F5: variants seen among roughly 807,000 people sequenced by gnomAD.
The protein encoded by F5 is coagulation factor V.
F5 carries 138 observed loss-of-function variants against 216.4 expected under a neutral mutation model. The ratio of observed to expected loss-of-function variants is 0.64; its 90% CI spans 0.56 to 0.73. The LOEUF (loss-of-function observed/expected upper bound fraction) is 0.73, where lower values mean the gene tolerates loss of function less well. Among genes scored for constraint, F5 ranks in the 30% least tolerant of loss-of-function variants. The pLI is 0.00. For missense variants in F5, 2,403 were observed against 2,674.0 expected (o/e 0.90, Z 2.24); for synonymous variants, 916 against 930.7 (o/e 0.98, Z 0.29).
Position 169,582,474 on chromosome 1 carries a change from A to G in F5, c.207T>C (p.Tyr69=), listed in dbSNP as rs371185688. The part of the protein sequence containing the change: ...TSFKKIVYRE[Y]EPYFKKEKPQ... ...GTTTTTCTTTCTTAAAATATGGTTC[A>G]TACTCTCTGTAGACAATTTTCTTAA... Residue 69 remains tyrosine (Y), a synonymous_variant, in exon 2 of 25, where the codon TAT becomes TAC. Transcript: ENST00000367797. 5.8e-6 allele frequency: 9 copies of G among 1,560,430 alleles called. No homozygotes were observed. The highest frequency in any genetic ancestry group is 7.9e-6 in the Non-Finnish European group (9 of 1,134,398).
chr1:169,551,369 G>A (rs551146805), intron 8 of F5, among the ~76,000 whole-genome samples: 1 of 152,354 alleles, frequency 6.6e-6, no homozygotes, highest in African/African-American at 2.4e-5. Context: ...AGAATCGCCT[G>A]AGCCCAGGAA....
At position 169,524,848 on chromosome 1, in the gene F5, G is replaced by C. The variant is rs752595310; in HGVS notation, c.5777C>G (p.Ser1926Ter). The C allele has an allele frequency of 1.2e-6, 2 of 1,613,484 alleles. No homozygotes were observed. The highest frequency in any genetic ancestry group is 2.2e-5 in the South Asian group (2 of 91,076). Residue 1926 changes from serine (S) to a stop codon, truncating the protein, a stop_gained, in exon 19 of 25, where the codon TCA becomes TGA. Coordinates refer to ENST00000367797, the MANE Select transcript of F5 (RefSeq NM_000130.5). LOFTEE classifies it high-confidence loss of function. ...GIISDSQIKA[S>*]EFLGYWEPRL... Reference sequence around the variant, plus strand: ...GTGCTACAACTTACCCAGAAACTCTGAAGCCTTGATCTGTGAATCAGATAT... The same window carrying C: ...GTGCTACAACTTACCCAGAAACTCTCAAGCCTTGATCTGTGAATCAGATAT...
chr1:169,525,843 A>G, intron 18 of F5, 58 bp downstream of exon 18: 1 of 1,168,994 alleles, frequency 8.6e-7, no homozygotes, highest in Non-Finnish European at 1.3e-6. Context: ...AAAGTTGGTA[A>G]TATTCTAGTA....
In F5 at chr1:169,524,990, G is replaced by A. The variant is rs1571562053; in HGVS notation, c.5717-82C>T. On this transcript the variant is annotated intron_variant, in intron 18 of 24. Transcript: ENST00000367797. ...GTAAAACTCCATGGTTAGGGATTAT[G>A]TTTCTGACTCAATAATTAGATATTT... The A allele has an allele frequency of 4.6e-6, 5 of 1,079,518 alleles. No homozygotes were observed. In the African/African-American group the frequency reaches 4.7e-5, roughly 10 times the overall value. 66.9% of individuals were successfully genotyped at this position (1,079,518 alleles called of 1,614,324 possible).
chr1:169,536,833 A>G (rs536156215), intron 13 of F5, among the ~76,000 whole-genome samples, 153 bp from the exon 14 acceptor site: 1 of 152,240 alleles, frequency 6.6e-6, no homozygotes, highest in South Asian at 2.1e-4. Flanking sequence ...GTGGATAAAA[A>G]CAAAAGCCAG....
chr1:169,543,202 A>T, intron 12 of F5, 88 bp from the exon 13 acceptor site: 1 of 1,315,022 alleles, frequency 7.6e-7, no homozygotes. Context: ...GGTAATTTCT[A>T]ATAAACTTTC....
intron 1 of F5, among the ~76,000 whole-genome samples, chr1:169,585,446 T>C (rs1006702351): frequency 6.6e-6 from 1 of 152,194 alleles, no homozygotes; most frequent in Non-Finnish European, 1.5e-5. Flanking sequence ...ACTGGAAATA[T>C]TGAATAGACT....
In F5 at chr1:169,580,571, G is replaced by A. The variant is rs141427474; in HGVS notation, c.250+1860C>T. Among the ~76,000 whole-genome samples, 543 of 151,930 alleles carry A rather than the reference G, an allele frequency of 3.6e-3. 4 individuals carry two copies. The highest frequency in any genetic ancestry group is 0.012 in the African/African-American group (507 of 41,460). On this transcript the variant is annotated intron_variant, in intron 2 of 24. Transcript: ENST00000367797. ...ACTAATTTTTGTATTTTCAGTAGAGGCGGGGTTTCACCATGTGGGCCAGGC... is the reference window on the plus strand; with the variant it reads ...ACTAATTTTTGTATTTTCAGTAGAGACGGGGTTTCACCATGTGGGCCAGGC...
intron 22 of F5, among the ~76,000 whole-genome samples, chr1:169,519,616 C>T (rs1284914569): frequency 1.3e-5 from 2 of 152,194 alleles, no homozygotes; most frequent in Non-Finnish European, 2.9e-5. Context: ...GTTTCAGCTA[C>T]TTTCTCCATT....
intron 1 of F5, among the ~76,000 whole-genome samples, chr1:169,582,823 G>A (rs1011608534): frequency 3.3e-5 from 5 of 152,142 alleles, no homozygotes; most frequent in Non-Finnish European, 4.4e-5. Context: ...AACCCAAACT[G>A]TAGGTTTAGA....
At chr1:169,555,061 A>C (rs1212494233) in intron 7 of F5, 121 bp downstream of exon 7, 1 of 1,109,716 alleles carries the variant, frequency 9.0e-7, no homozygotes, top group African/African-American at 1.5e-5. Flanking sequence ...AAAAGACTTG[A>C]ATAGAAACCA....
chr1:169,532,299 G>A (rs964038956), intron 14 of F5, among the ~76,000 whole-genome samples: 5 of 152,130 alleles, frequency 3.3e-5, no homozygotes, highest in Non-Finnish European at 7.3e-5. Flanking sequence ...AGACATGGAT[G>A]CCCAATCTCA....
chr1:169,542,488 G>T lies in F5; in HGVS notation c.2602C>A (p.Pro868Thr). The T allele has an allele frequency of 6.2e-7, 1 of 1,614,042 alleles. No homozygotes were observed. The highest frequency in any genetic ancestry group is 1.1e-5 in the South Asian group (1 of 91,080). ...KSQEHAKHKG[P>T]KVERDQAAKH... ...GCTGCTTGATCTCTTTCTACCTTGG[G>T]TCCCTTATGCTTAGCATGTTCTTGA... Residue 868 changes from proline (P) to threonine (T), a missense_variant, in exon 13 of 25, where the codon CCC (proline) becomes ACC (threonine). Around this residue, in one of 4 missense-constraint regions of F5, gnomAD observed 1,425 missense variants for 1,554.8 expected, o/e 0.92. Coordinates refer to ENST00000367797, the MANE Select transcript of F5 (RefSeq NM_000130.5).
chr1:169,553,018 T>C (rs891586804), intron 7 of F5, among the ~76,000 whole-genome samples: 3 of 152,212 alleles, frequency 2.0e-5, no homozygotes, highest in African/African-American at 7.2e-5. Flanking sequence ...ACATTTGATA[T>C]CTCTGGGAAA....
rs1385341905 is a variant in F5 at position 169,549,839 on chromosome 1, T to C, written c.1573A>G (p.Ile525Val). Reference protein sequence around the residue: ...IASGLIGLLLICKSRSLDRRG... With the variant: ...IASGLIGLLLVCKSRSLDRRG... The stretch of plus-strand genomic sequence containing the variant: ...CTGTCCAGGGATCTGCTCTTACAGA[T>C]TAGAAGTAGTCCTATTAGCCCAGAG... Residue 525 changes from isoleucine (I) to valine (V), a missense_variant, in exon 10 of 25, where the codon ATC (isoleucine) becomes GTC (valine). Ile to Val is a conservative substitution (Grantham distance 29). Transcript: ENST00000367797. The C allele has an allele frequency of 6.2e-7, 1 of 1,614,058 alleles. No individual in the cohort carries two copies. Among genetic ancestry groups the C allele is most frequent in the Admixed American group, 1.7e-5 (1 of 60,024 alleles).
intron 3 of F5, among the ~76,000 whole-genome samples, chr1:169,564,477 G>A (rs1660554710): frequency 6.6e-6 from 1 of 151,872 alleles, no homozygotes; most frequent in Admixed American, 6.6e-5. Context: ...GTAAGCTTAG[G>A]TGCTCATAGG....
chr1:169,575,303 G>A (rs1660818303), intron 2 of F5, among the ~76,000 whole-genome samples: 2 of 152,330 alleles, frequency 1.3e-5, no homozygotes, highest in Non-Finnish European at 1.5e-5. Flanking sequence ...CCAGTGGGGA[G>A]GTGGAGCTTA....
At chr1:169,546,376 T>C (rs1660002460) in intron 11 of F5, 66 bp downstream of exon 11, 8 of 1,593,694 alleles carry the variant, frequency 5.0e-6, no homozygotes, top group Non-Finnish European at 6.9e-6. Context: ...TCTCTGACTC[T>C]AGGCACAGTC....
intron 7 of F5, among the ~76,000 whole-genome samples, chr1:169,554,881 A>C (rs1660273441): frequency 6.6e-6 from 1 of 152,240 alleles, no homozygotes; most frequent in African/African-American, 2.4e-5. Context: ...TATAAAAAGA[A>C]ATAAGAGCAG....
Sources: gnomAD v4.1 joint callset for allele counts (sites outside exome capture counted in the v4.1 genomes callset) on GRCh38, gnomAD v4.1.1 for gene constraint, gnomAD v4.1.1 regional missense constraint, MANE v1.5 for transcripts, NCBI Gene and HGNC (gene_info 2026-07-23, HGNC 2026-07-21) for gene names.